Variants in ZNF544 observed in about 807,000 individuals in gnomAD.
The protein encoded by ZNF544 is zinc finger protein 544.
A neutral mutation model predicts 13.5 loss-of-function variants in ZNF544; 10 were observed. That is an observed-to-expected ratio of 0.74 (90% CI 0.46 to 1.25). The LOEUF (loss-of-function observed/expected upper bound fraction) is 1.25. Ranked by LOEUF, ZNF544 falls within the 50% of genes most tolerant of loss-of-function variation. The probability of loss-of-function intolerance (pLI) is 0.00; values close to 1 mark genes in which losing one functional copy is unlikely to be tolerated. For synonymous variants in ZNF544, 323 were observed against 300.5 expected, an observed-to-expected ratio of 1.07 and a Z score of -0.77; for missense variants, 896 against 845.6, an observed-to-expected ratio of 1.06 and a Z score of -0.74.
chr19:58,269,485 C>G (rs2050352212), intron 5 of ZNF544, among the ~76,000 whole-genome samples: 2 of 151,186 alleles, frequency 1.3e-5, no homozygotes, highest in African/African-American at 4.9e-5. Context: ...GTGGCTCACA[C>G]CTGTAATCCC....
chr19:58,263,447 G>T lies in ZNF544; in HGVS notation c.*693G>T, dbSNP rs1031313886. On this transcript the variant is annotated 3_prime_UTR_variant, in exon 7 of 7. Transcript: ENST00000687789. ...TCACACCGCTGCCTTGTGAGAGATTGAGACACTCTAAATAAATAATAACCA... is the reference window on the plus strand; with the variant it reads ...TCACACCGCTGCCTTGTGAGAGATTTAGACACTCTAAATAAATAATAACCA... 1 of 985,204 alleles carries T rather than the reference G, an allele frequency of 1.0e-6. No homozygotes were observed. Among genetic ancestry groups the T allele is most frequent in the African/African-American group, 1.7e-5 (1 of 57,190 alleles). The allele number at this position is 985,204 out of a possible 1,614,324, so 61.0% of individuals were successfully genotyped here.
chr19:58,275,193 C>G lies in ZNF544; in HGVS notation c.245-1130C>G, dbSNP rs1225409360. On this transcript the variant is annotated intron_variant, in intron 5 of 6. Coordinates refer to the ZNF544 transcript ENST00000595981. Reference sequence around the variant, plus strand: ...GGGTGTGACTCAGGAGCCAGGAGCCCCCCCACACTTGTCTCCCGTGTTTCC... The same window carrying G: ...GGGTGTGACTCAGGAGCCAGGAGCCGCCCCACACTTGTCTCCCGTGTTTCC... 2.6e-5 allele frequency among the ~76,000 whole-genome samples: 4 copies of G among 152,128 alleles called. No homozygotes were observed. The South Asian group carries it at 8.3e-4, about 32-fold the overall frequency.
chr19:58,276,455 C>A, intron 6 of ZNF544: 2 of 1,193,302 alleles, frequency 1.7e-6, no homozygotes, highest in Non-Finnish European at 2.1e-6. Context: ...TGTCAAAAGT[C>A]AGAATTTTAT....
downstream of ZNF544, among the ~76,000 whole-genome samples, chr19:58,265,896 A>G (rs1568510351): frequency 6.6e-6 from 1 of 151,848 alleles, no homozygotes; most frequent in Non-Finnish European, 1.5e-5. Context: ...ATTACTGCAC[A>G]TTTAAGCAGG....
chr19:58,241,174 T>TTTTA (rs1312661470), intron 3 of ZNF544, among the ~76,000 whole-genome samples: 221 of 94,496 alleles, frequency 2.3e-3, no homozygotes, highest in Non-Finnish European at 3.0e-3. Context: ...TATATATATA[T>TTTTA]ATATATTTTT....
chr19:58,243,503 C>G (rs1332767015), intron 3 of ZNF544, among the ~76,000 whole-genome samples: 4 of 151,744 alleles, frequency 2.6e-5, no homozygotes, highest in African/African-American at 9.7e-5. Flanking sequence ...GTACTTCCAG[C>G]TGAGACCGAG....
chr19:58,273,984 CG>C (rs1568517481), intron 5 of ZNF544, among the ~76,000 whole-genome samples: 72 of 151,836 alleles, frequency 4.7e-4, no homozygotes, highest in Admixed American at 3.7e-3. Flanking sequence ...TTAGTAGAGA[CG>C]GGGTTTCCCC....
intron 6 of ZNF544, among the ~76,000 whole-genome samples, chr19:58,260,177 T>G (rs952932785): frequency 5.9e-5 from 9 of 152,200 alleles, no homozygotes; most frequent in African/African-American, 2.2e-4. Context: ...ATTCACAGAG[T>G]CCAGGGGCTT....
At chr19:58,236,105 C>T (rs2042323124) in intron 3 of ZNF544, among the ~76,000 whole-genome samples, 1 of 151,886 alleles carries the variant, frequency 6.6e-6, no homozygotes, top group Non-Finnish European at 1.5e-5. Context: ...CATAGTGGCT[C>T]ATGCCTGTAA....
rs1419457317 is a variant in ZNF544 at position 58,254,254 on chromosome 19, C to T, written c.245-6597C>T. ...AAAAAAGGAACAGCAGCACAAATGCCTGGATACATGCAACTCCATCTCACT... is the reference window on the plus strand; with the variant it reads ...AAAAAAGGAACAGCAGCACAAATGCTTGGATACATGCAACTCCATCTCACT... On this transcript the variant is annotated intron_variant, in intron 6 of 6. Transcript: ENST00000687789. Among the ~76,000 whole-genome samples the T allele has an allele frequency of 5.9e-5, 9 of 152,084 alleles. No individual in the cohort carries two copies. The East Asian group carries it at 1.7e-3, about 29-fold the overall frequency.
At chr19:58,235,402 C>T (rs370295639) in intron 3 of ZNF544, among the ~76,000 whole-genome samples, 13 of 152,172 alleles carry the variant, frequency 8.5e-5, no homozygotes, top group African/African-American at 2.9e-4. Flanking sequence ...CTGACCAGAA[C>T]GTCATTATGG....
In ZNF544 at chr19:58,263,634, T is replaced by C. The variant is rs982290499; in HGVS notation, c.*880T>C. 16 of 963,640 alleles carry C rather than the reference T, an allele frequency of 1.7e-5. No individual in the cohort carries two copies. The highest frequency in any genetic ancestry group is 2.0e-5 in the Non-Finnish European group (16 of 810,404). 59.7% of individuals were successfully genotyped at this position (963,640 alleles called of 1,614,324 possible). A position where few individuals can be genotyped will look rare whatever the true frequency, so the allele number is the denominator to read the frequency against. On this transcript the variant is annotated 3_prime_UTR_variant, in exon 7 of 7. Transcript: ENST00000687789. Reference sequence around the variant, plus strand: ...CTCTAGCCAACTAAATAAAAATCTCTGGCAGTAAAATCCAGGAGTCTGCAG... The same window carrying C: ...CTCTAGCCAACTAAATAAAAATCTCCGGCAGTAAAATCCAGGAGTCTGCAG...
At position 58,246,094 on chromosome 19, in the gene ZNF544, A is replaced by G. The variant is rs187450921; in HGVS notation, c.34-207A>G. Among the ~76,000 whole-genome samples, 344 of 152,334 alleles carry G rather than the reference A, an allele frequency of 2.3e-3. 3 individuals carry two copies. Among genetic ancestry groups the G allele is most frequent in the Non-Finnish European group, 3.5e-3 (238 of 68,028 alleles). Reference sequence around the variant, plus strand: ...CACCTCTTACATGTCCTCATATGGTAGAAGGTGAACACAGGCTCCCTCAAG... The same window carrying G: ...CACCTCTTACATGTCCTCATATGGTGGAAGGTGAACACAGGCTCCCTCAAG... On this transcript the variant is annotated intron_variant, in intron 4 of 6. Transcript: ENST00000687789.
intron 5 of ZNF544, among the ~76,000 whole-genome samples, chr19:58,270,728 G>A (rs1422395000): frequency 6.6e-5 from 10 of 152,222 alleles, no homozygotes; most frequent in Admixed American, 5.2e-4. Flanking sequence ...GCAGATGTGG[G>A]AGAGTAGATG....
At chr19:58,238,864 G>T (rs1325169527) in intron 3 of ZNF544, among the ~76,000 whole-genome samples, 1 of 145,630 alleles carries the variant, frequency 6.9e-6, no homozygotes, top group Non-Finnish European at 1.5e-5. Flanking sequence ...CTAAGTCACG[G>T]TAAAAAAAAA....
intron 6 of ZNF544, among the ~76,000 whole-genome samples, chr19:58,249,203 C>T (rs2045904484): frequency 6.6e-6 from 1 of 152,194 alleles, no homozygotes. Context: ...ATACCCTGTT[C>T]TCATACCTCA....
intron 5 of ZNF544, among the ~76,000 whole-genome samples, chr19:58,270,920 A>G (rs891868008): frequency 3.3e-5 from 5 of 152,194 alleles, no homozygotes. Flanking sequence ...AGTGAAAACT[A>G]AAGATGATTG....
rs139670327 is a variant in ZNF544 at position 58,238,975 on chromosome 19, T to C, written c.-59-4990T>C. Among the ~76,000 whole-genome samples the C allele has an allele frequency of 2.0e-5, 3 of 152,286 alleles. No homozygotes were observed. In the East Asian group the frequency reaches 5.8e-4, roughly 29 times the overall value. On this transcript the variant is annotated intron_variant, in intron 3 of 6. Coordinates refer to ENST00000687789, the MANE Select transcript of ZNF544 (RefSeq NM_014480.4). ...TGGCATCAGGGTGAGTTTCTTCTCC[T>C]TGTGCAGGGGAGGCAAGAGTGTTCA...
chr19:58,243,939 G>C, intron 3 of ZNF544, 26 bp from the exon 4 acceptor site: 1 of 1,523,192 alleles, frequency 6.6e-7, no homozygotes, highest in Non-Finnish European at 8.9e-7. Context: ...CCGAGGGGCT[G>C]AATCTCTGCT....
Sources: allele counts gnomAD v4.1 joint callset (sites outside exome capture counted in the v4.1 genomes callset), GRCh38; gene constraint gnomAD v4.1.1; transcripts MANE v1.5; gene names NCBI Gene and HGNC (gene_info 2026-07-23, HGNC 2026-07-21).